Variants in SETD2 observed in about 807,000 individuals in gnomAD.
SETD2 encodes histone-lysine N-methyltransferase SETD2.
In SETD2, 31 loss-of-function variants were observed where a neutral mutation model predicts 242.1. The observed-to-expected ratio is 0.13, with a 90% confidence interval of 0.10 to 0.17. SETD2 has a LOEUF of 0.17. Ranked by LOEUF, SETD2 falls within the 10% of genes least tolerant of loss-of-function variation. The pLI is 1.00. For missense variants in SETD2, 2,481 were observed against 3,046.3 expected (o/e 0.81, Z 4.37); for synonymous variants, 1,006 against 1,066.5 (o/e 0.94, Z 1.11).
At chr3:47,050,526 T>C (rs1575690013) in intron 15 of SETD2, among the ~76,000 whole-genome samples, 1 of 152,168 alleles carries the variant, frequency 6.6e-6, no homozygotes, top group African/African-American at 2.4e-5. Context: ...CTACAAAATA[T>C]GAAACTTTTT....
Position 47,155,071 on chromosome 3 carries a change from T to C in SETD2, c.71+8783A>G, listed in dbSNP as rs561649668. On this transcript the variant is annotated intron_variant, in intron 1 of 20. Transcript: ENST00000409792. ...TATCACATTCATGGTTAGTACATAG[T>C]AATAAAGTACTTCCAAAACAAATTT... is the stretch of plus-strand genomic sequence containing the variant. Among the ~76,000 whole-genome samples the C allele has an allele frequency of 7.9e-5, 12 of 152,216 alleles. No homozygotes were observed. In the South Asian group the frequency reaches 2.5e-3, roughly 32 times the overall value.
At chr3:47,137,351 C>A (rs903313052) in intron 1 of SETD2, among the ~76,000 whole-genome samples, 20 of 152,006 alleles carry the variant, frequency 1.3e-4, no homozygotes, top group African/African-American at 4.3e-4. Flanking sequence ...CACCACCACA[C>A]CCAGCTAATT....
rs2042072774 is a variant in SETD2, at chr3:47,098,018, G to C, written c.5079C>G (p.Asn1693Lys). The change falls in exon 9 of 21, where the codon AAC becomes AAG. Residue 1693 changes from asparagine to lysine, a missense_variant. This residue lies in a region of SETD2 where 61 missense variants were observed against 221.4 expected (regional missense o/e 0.28). Transcript: ENST00000409792. Reference sequence around the variant, plus strand: ...CTCCTGCTGCTCTGATGCTGACTCTGTTTTCTCCTCCCAGGTAACCCCGGC... The same window carrying C: ...CTCCTGCTGCTCTGATGCTGACTCTCTTTTCTCCTCCCAGGTAACCCCGGC... ...ANCRGYLGGE[N>K]RVSIRAAGGK... 1 of 1,613,832 alleles carries C rather than the reference G, an allele frequency of 6.2e-7. No individual in the cohort carries two copies.
intron 1 of SETD2, among the ~76,000 whole-genome samples, chr3:47,151,697 C>T (rs1168724877): frequency 2.6e-5 from 4 of 151,816 alleles, no homozygotes; most frequent in South Asian, 2.1e-4. Flanking sequence ...CGTGGTGGTA[C>T]GCGCCTGTAA....
intron 1 of SETD2, among the ~76,000 whole-genome samples, chr3:47,134,805 G>C (rs187915442): frequency 5.9e-5 from 9 of 152,182 alleles, no homozygotes; most frequent in Admixed American, 3.3e-4. Flanking sequence ...TGTATTTTTA[G>C]TAGAGACAGG....
chr3:47,045,002 T>A (rs576649651), intron 16 of SETD2, among the ~76,000 whole-genome samples: 9 of 152,166 alleles, frequency 5.9e-5, no homozygotes, highest in Non-Finnish European at 1.3e-4. Flanking sequence ...TCCATAAAAT[T>A]CTGAAATGTG....
Position 47,053,327 on chromosome 3 carries a change from T to G in SETD2, c.6963+3494A>C, listed in dbSNP as rs143901865. ...TACTTTATATCTGGATCACTTCACT[T>G]TATACTATGTCAGTGCAAAAGTAGT... On this transcript the variant is annotated intron_variant, in intron 15 of 20. Transcript: ENST00000409792. Among the ~76,000 whole-genome samples the G allele has an allele frequency of 1.7e-3, 253 of 152,342 alleles. 2 individuals carry two copies. The highest frequency in any genetic ancestry group is 5.4e-3 in the African/African-American group (225 of 41,576).
intron 9 of SETD2, among the ~76,000 whole-genome samples, chr3:47,090,284 G>A (rs2107656566): frequency 6.6e-6 from 1 of 152,072 alleles, no homozygotes; most frequent in South Asian, 2.1e-4. Context: ...AAAGACTGGT[G>A]TTAGATTAGA....
intron 11 of SETD2, among the ~76,000 whole-genome samples, 164 bp downstream of exon 11, chr3:47,086,031 G>A (rs943710654): frequency 1.7e-4 from 26 of 152,192 alleles, no homozygotes; most frequent in African/African-American, 5.3e-4. Flanking sequence ...GTGTATGTAC[G>A]GTTAGATACG....
chr3:47,117,877 G>T (rs1467439220), intron 3 of SETD2, among the ~76,000 whole-genome samples: 2 of 151,962 alleles, frequency 1.3e-5, no homozygotes, highest in African/African-American at 4.8e-5. Flanking sequence ...CTTTTACCCT[G>T]GTCTAAAAAC....
At position 47,134,685 on chromosome 3, in the gene SETD2, A is replaced by G. The variant is rs1164688627; in HGVS notation, c.72-8022T>C. ...CACTCTGGTGCCCAGACTGGAGTGC[A>G]ATGGCACGATCTTGGCTCACTGCAA... On this transcript the variant is annotated intron_variant, in intron 1 of 20. Coordinates refer to ENST00000409792, the MANE Select transcript of SETD2 (RefSeq NM_014159.7). Among the ~76,000 whole-genome samples, 7 of 151,940 alleles carry G rather than the reference A, an allele frequency of 4.6e-5. No individual in the cohort carries two copies. In the East Asian group the frequency reaches 1.4e-3, roughly 29 times the overall value.
chr3:47,149,480 G>A lies in SETD2; in HGVS notation c.71+14374C>T, dbSNP rs184802589. Among the ~76,000 whole-genome samples, 593 of 152,236 alleles carry A rather than the reference G, an allele frequency of 3.9e-3. 1 individual carries two copies. Among genetic ancestry groups the A allele is most frequent in the Admixed American group, 5.4e-3 (83 of 15,290 alleles). On this transcript the variant is annotated intron_variant, in intron 1 of 20. Transcript: ENST00000409792. ...CACTAGACACCTCTTATAGCACTCAGCAATTTACACTTGGTTAAAAACTGA... is the reference window on the plus strand; with the variant it reads ...CACTAGACACCTCTTATAGCACTCAACAATTTACACTTGGTTAAAAACTGA...
At chr3:47,052,757 A>C (rs1176995896) in intron 15 of SETD2, among the ~76,000 whole-genome samples, 1 of 152,002 alleles carries the variant, frequency 6.6e-6, no homozygotes, top group East Asian at 1.9e-4. Flanking sequence ...CAGAGGTTGC[A>C]ATGAGTCGAG....
At chr3:47,078,507 T>A (rs2041189303) in intron 12 of SETD2, among the ~76,000 whole-genome samples, 1 of 149,828 alleles carries the variant, frequency 6.7e-6, no homozygotes. Context: ...GCTCCCATAT[T>A]AGATTCTCAG....
intron 5 of SETD2, among the ~76,000 whole-genome samples, chr3:47,111,174 G>A (rs2042637379): frequency 6.6e-6 from 1 of 151,106 alleles, no homozygotes. Flanking sequence ...ATGTGCGTCT[G>A]GACTAGAACT....
chr3:47,086,726 GT>G (rs987420764), intron 10 of SETD2, among the ~76,000 whole-genome samples: 41 of 144,526 alleles, frequency 2.8e-4, no homozygotes, highest in Admixed American at 3.5e-4. Flanking sequence ...TTTCCTGTTA[GT>G]TTTTTTTTTT....
intron 17 of SETD2, among the ~76,000 whole-genome samples, chr3:47,039,525 A>G (rs998700143): frequency 2.0e-5 from 3 of 151,392 alleles, no homozygotes; most frequent in African/African-American, 7.3e-5. Context: ...AACTTTTTTT[A>G]TTTTTGGAAG....
intron 1 of SETD2, among the ~76,000 whole-genome samples, chr3:47,139,540 C>T (rs1043452747): frequency 2.6e-5 from 4 of 152,098 alleles, no homozygotes; most frequent in African/African-American, 7.2e-5. Flanking sequence ...CATACATTCT[C>T]GTTACTTTTT....
intron 5 of SETD2, among the ~76,000 whole-genome samples, chr3:47,111,298 A>C (rs1559731266): frequency 6.6e-6 from 1 of 152,140 alleles, no homozygotes; most frequent in Non-Finnish European, 1.5e-5. Flanking sequence ...AATCCAATGA[A>C]TGGATATGGG....
Sources: allele counts gnomAD v4.1 joint callset (sites outside exome capture counted in the v4.1 genomes callset), GRCh38; gene constraint gnomAD v4.1.1; regional missense constraint gnomAD v4.1.1; transcripts MANE v1.5; gene names NCBI Gene and HGNC (gene_info 2026-07-23, HGNC 2026-07-21).